HAAO: variants seen among roughly 807,000 people sequenced by gnomAD.
The protein encoded by HAAO is 3-hydroxyanthranilate 3,4-dioxygenase.
A neutral mutation model predicts 46.2 loss-of-function variants in HAAO; 49 were observed. That is an observed-to-expected ratio of 1.06 (90% CI 0.84 to 1.34). The LOEUF (loss-of-function observed/expected upper bound fraction) is 1.34, where lower values mean the gene tolerates loss of function less well. Among genes scored for constraint, HAAO ranks in the 40% most tolerant of loss-of-function variants. The pLI is 0.00. For missense variants in HAAO, 408 were observed against 364.5 expected, an observed-to-expected ratio of 1.12 and a Z score of -0.97; for synonymous variants, 157 against 145.2, an observed-to-expected ratio of 1.08 and a Z score of -0.58.
intron 1 of HAAO, chr2:42,789,071 A>T (rs1467321671): frequency 4.3e-5 from 8 of 187,662 alleles, no homozygotes. Context: ...CAGTGGATGC[A>T]GGAGACCGTG....
At chr2:42,778,168 A>T (rs1303566887) in intron 4 of HAAO, among the ~76,000 whole-genome samples, 1 of 152,146 alleles carries the variant, frequency 6.6e-6, no homozygotes, top group Admixed American at 6.5e-5. Flanking sequence ...AAGTTATCAC[A>T]TTATTATTAA....
In HAAO at chr2:42,784,410, CAG is replaced by C. The variant is rs1327048607; in HGVS notation, c.160-545_160-544del. Among the ~76,000 whole-genome samples the C allele has an allele frequency of 2.2e-4, 33 of 151,634 alleles. 1 individual carries two copies. Among genetic ancestry groups the C allele is most frequent in the South Asian group, 1.7e-3 (8 of 4,778 alleles). On this transcript the variant is annotated intron_variant, in intron 2 of 9. Transcript: ENST00000294973. The stretch of plus-strand genomic sequence containing the variant: ...CGTATGTGGCTCTGGAGCCACTGGC[CAG>C]AGTGACACCTTGGCAAGGGGTGGGG...
chr2:42,769,619 A>T, intron 7 of HAAO, 94 bp downstream of exon 7: 4 of 841,208 alleles, frequency 4.8e-6, no homozygotes, highest in Non-Finnish European at 5.6e-6. Context: ...GTGTGTGTGA[A>T]AGAGAGAGAG....
intron 5 of HAAO, 69 bp from the exon 6 acceptor site, chr2:42,770,255 T>A: frequency 7.7e-7 from 1 of 1,303,468 alleles, no homozygotes; most frequent in Non-Finnish European, 1.1e-6. Flanking sequence ...GACACACACA[T>A]ACACCACACT....
Position 42,767,354 on chromosome 2 carries a change from G to A in HAAO, c.*83C>T, listed in dbSNP as rs1322242544. On this transcript the variant is annotated 3_prime_UTR_variant, in exon 10 of 10. Transcript: ENST00000294973. ...CAGCGGCAGTACACAGAGAGGTAGT[G>A]GGGGCTGGGAGAGTTGTTTGGCAGG... 4.4e-6 allele frequency: 4 copies of A among 908,360 alleles called. No individual in the cohort carries two copies. The highest frequency in any genetic ancestry group is 1.9e-5 in the Admixed American group (1 of 52,012). 56.3% of individuals were successfully genotyped at this position (908,360 alleles called of 1,614,324 possible).
At chr2:42,769,407 A>T (rs1464051170) in intron 7 of HAAO, among the ~76,000 whole-genome samples, 1 of 152,212 alleles carries the variant, frequency 6.6e-6, no homozygotes, top group Non-Finnish European at 1.5e-5. Flanking sequence ...ACCCTCAGGA[A>T]GCTGCCAGTG....
chr2:42,790,795 G>C (rs576141144), intron 1 of HAAO, among the ~76,000 whole-genome samples: 1 of 152,148 alleles, frequency 6.6e-6, no homozygotes, highest in Non-Finnish European at 1.5e-5. Flanking sequence ...GCCTCCCAAA[G>C]TGCTGGGATT....
chr2:42,783,504 G>T, intron 3 of HAAO, 84 bp from the exon 4 acceptor site: 2 of 887,228 alleles, frequency 2.3e-6, no homozygotes, highest in Non-Finnish European at 3.6e-6. Context: ...GGCATCCCCA[G>T]CTGACCCCCG....
At chr2:42,789,580 T>C (rs1171772990) in intron 1 of HAAO, among the ~76,000 whole-genome samples, 1 of 151,742 alleles carries the variant, frequency 6.6e-6, no homozygotes, top group Non-Finnish European at 1.5e-5. Context: ...AATAAATAAA[T>C]AAATAAATAA....
chr2:42,784,018 C>T (rs1672211561), intron 2 of HAAO, 151 bp from the exon 3 acceptor site: 3 of 1,418,510 alleles, frequency 2.1e-6, no homozygotes, highest in Admixed American at 2.3e-5. Flanking sequence ...GTCCTGAGGC[C>T]TGTCTCCCCG....
chr2:42,789,554 G>A (rs1672637224), intron 1 of HAAO, among the ~76,000 whole-genome samples: 1 of 136,084 alleles, frequency 7.3e-6, no homozygotes, highest in African/African-American at 2.9e-5. Context: ...GGGTAACAGG[G>A]GGAGACTCTG....
At chr2:42,791,879 AGGCAGAGGCTACT>A (rs1368599452) in intron 1 of HAAO, among the ~76,000 whole-genome samples, 2 of 150,192 alleles carry the variant, frequency 1.3e-5, no homozygotes, top group Non-Finnish European at 3.0e-5. Context: ...TGGGTGCTGC[AGGCAGAGGCTACT>A]GGCAGAGGTG....
At position 42,783,868 on chromosome 2, in the gene HAAO, C is replaced by G; in HGVS notation, c.160-1G>C. On this transcript the variant is annotated splice_acceptor_variant, in intron 2 of 9. Coordinates refer to ENST00000294973, the MANE Select transcript of HAAO (RefSeq NM_012205.3). LOFTEE classifies it high-confidence loss of function. ...TGTCTCCCTCCAGCTGGTAAAATAC[C>G]TGTGGGACAGGAGAGAGGCTTGGAC... The G allele has an allele frequency of 1.2e-6, 2 of 1,608,058 alleles. No homozygotes were observed. The highest frequency in any genetic ancestry group is 1.7e-6 in the Non-Finnish European group (2 of 1,177,042).
chr2:42,770,310 A>C, intron 5 of HAAO, 124 bp from the exon 6 acceptor site: 1 of 910,646 alleles, frequency 1.1e-6, no homozygotes, highest in Non-Finnish European at 1.7e-6. Context: ...GGGCTCTCAC[A>C]CAGCTGTGTG....
At chr2:42,770,748 A>G (rs1226530535) in intron 4 of HAAO, among the ~76,000 whole-genome samples, 166 bp from the exon 5 acceptor site, 1 of 152,170 alleles carries the variant, frequency 6.6e-6, no homozygotes, top group Non-Finnish European at 1.5e-5. Context: ...CTTGCTCTTC[A>G]GAAGCACACG....
intron 3 of HAAO, 85 bp from the exon 4 acceptor site, chr2:42,783,505 C>G (rs765417135): frequency 3.2e-5 from 28 of 886,814 alleles, no homozygotes; most frequent in Non-Finnish European, 4.7e-5. Flanking sequence ...GCATCCCCAG[C>G]TGACCCCCGG....
At chr2:42,788,263 G>A (rs1323611454) in intron 2 of HAAO, among the ~76,000 whole-genome samples, 1 of 152,234 alleles carries the variant, frequency 6.6e-6, no homozygotes, top group Non-Finnish European at 1.5e-5. Flanking sequence ...ATGCCCCATG[G>A]CTAAAACCTC....
chr2:42,791,671 G>C (rs374483107), intron 1 of HAAO, among the ~76,000 whole-genome samples: 1 of 152,182 alleles, frequency 6.6e-6, no homozygotes, highest in South Asian at 2.1e-4. Context: ...GCATAGTCCT[G>C]GGCCTGCTGT....
At chr2:42,789,663 G>A (rs1370474026) in intron 1 of HAAO, among the ~76,000 whole-genome samples, 1 of 152,196 alleles carries the variant, frequency 6.6e-6, no homozygotes, top group Non-Finnish European at 1.5e-5. Context: ...GGGAATGACT[G>A]AACCTGAGCC....
Sources: gnomAD v4.1 joint callset for allele counts (sites outside exome capture counted in the v4.1 genomes callset) on GRCh38, gnomAD v4.1.1 for gene constraint, MANE v1.5 for transcripts, NCBI Gene and HGNC (gene_info 2026-07-23, HGNC 2026-07-21) for gene names.